Variants in GEN1 observed in about 807,000 individuals in gnomAD.
GEN1 encodes flap endonuclease GEN homolog 1.
In GEN1, 64 loss-of-function variants were observed where a neutral mutation model predicts 67.6. The ratio of observed to expected loss-of-function variants is 0.95; its 90% confidence interval spans 0.77 to 1.17. The LOEUF is 1.17. Among genes scored for constraint, GEN1 ranks in the 50% most tolerant of loss-of-function variants. The probability of loss-of-function intolerance (pLI) is 0.00; values close to 1 mark genes in which losing one functional copy is unlikely to be tolerated. For synonymous variants in GEN1, 371 were observed against 359.4 expected (o/e 1.03, Z -0.37); for missense variants, 1,058 against 1,048.3 (o/e 1.01, Z -0.13).
chr2:17,781,347 G>A lies in GEN1; in HGVS notation c.2135G>A (p.Gly712Asp), dbSNP rs777564561. The A allele has an allele frequency of 1.9e-6, 3 of 1,613,734 alleles. No individual in the cohort carries two copies. Among genetic ancestry groups the A allele is most frequent in the Non-Finnish European group, 2.5e-6 (3 of 1,179,844 alleles). Reference sequence around the variant, plus strand: ...AAAGAATCTTGTATTGCTAACAGTGGTTCTGATTGTACATCACATCTTTCA... The same window carrying A: ...AAAGAATCTTGTATTGCTAACAGTGATTCTGATTGTACATCACATCTTTCA... ...SVKESCIANS[G>D]SDCTSHLSKD... The change falls in exon 14 of 14, where the codon GGT (glycine) becomes GAT (aspartate). Residue 712 changes from glycine to aspartate, a missense_variant. Coordinates refer to ENST00000381254, the MANE Select transcript of GEN1 (RefSeq NM_001130009.3).
At chr2:17,756,602 A>G (rs1216140425) in intron 1 of GEN1, among the ~76,000 whole-genome samples, 1 of 152,124 alleles carries the variant, frequency 6.6e-6, no homozygotes, top group African/African-American at 2.4e-5. Flanking sequence ...TTTATTATTT[A>G]TTTTTATAGA....
chr2:17,756,184 T>G (rs760084094), intron 1 of GEN1, among the ~76,000 whole-genome samples: 10 of 152,204 alleles, frequency 6.6e-5, no homozygotes, highest in Non-Finnish European at 1.2e-4. Context: ...ACCTAATCAG[T>G]GGTATATTCA....
At chr2:17,768,990 A>C (rs1672058325) in intron 6 of GEN1, among the ~76,000 whole-genome samples, 179 bp downstream of exon 6, 2 of 152,040 alleles carry the variant, frequency 1.3e-5, no homozygotes, top group African/African-American at 4.8e-5. Flanking sequence ...CAAAGGAAGG[A>C]TGAGAATACA....
rs1671275771 is a variant in GEN1, at chr2:17,754,184, C to T, written c.-177C>T. ...GGTGCTCCTGGGCCTGGCGGTTGAG[C>T]CCGGGGAGCTAGTCTTTGCTTGGGT... On this transcript the variant is annotated 5_prime_UTR_variant, in exon 1 of 14. Transcript: ENST00000381254. 6.6e-6 allele frequency: 1 copy of T among 151,920 alleles called. No individual in the cohort carries two copies. The highest frequency in any genetic ancestry group is 1.5e-5 in the Non-Finnish European group (1 of 68,086). 9.4% of individuals were successfully genotyped at this position (151,920 alleles called of 1,614,324 possible).
chr2:17,771,017 G>C, intron 6 of GEN1, 179 bp from the exon 7 acceptor site: 2 of 661,178 alleles, frequency 3.0e-6, no homozygotes, highest in Non-Finnish European at 5.6e-6. Context: ...TTGGGCCTTG[G>C]GGCCACATTT....
At chr2:17,779,842 G>A (rs556425454) in intron 12 of GEN1, 136 bp from the exon 13 acceptor site, 13 of 559,222 alleles carry the variant, frequency 2.3e-5, no homozygotes, top group Admixed American at 6.7e-5. Context: ...GGCTGGTCTC[G>A]AACTCCTGAC....
intron 2 of GEN1, among the ~76,000 whole-genome samples, chr2:17,760,381 T>C (rs1175854999): frequency 6.6e-6 from 1 of 152,158 alleles, no homozygotes; most frequent in Non-Finnish European, 1.5e-5. Flanking sequence ...AGACATTTTC[T>C]CCCTATTTTA....
chr2:17,778,184 A>ACACACACATATGTGTATATATATG lies in GEN1; in HGVS notation c.1264+121_1264+122insCACACACATATGTGTATATATATG. 9 of 365,958 alleles carry ACACACACATATGTGTATATATATG rather than the reference A, an allele frequency of 2.5e-5. No homozygotes were observed. The South Asian group carries it at 2.6e-4, about 10-fold the overall frequency. 22.7% of individuals were successfully genotyped at this position (365,958 alleles called of 1,614,324 possible). On this transcript the variant is annotated intron_variant, in intron 12 of 13. Transcript: ENST00000381254. ...CACACATAGATATGTGTATATATAT[A>ACACACACATATGTGTATATATATG]TATACACACACACATATATGTGTAT...
Position 17,781,662 on chromosome 2 carries a change from C to T in GEN1, c.2450C>T (p.Thr817Ile), listed in dbSNP as rs772458645. 7 of 1,613,880 alleles carry T rather than the reference C, an allele frequency of 4.3e-6. No homozygotes were observed. The South Asian group carries it at 5.5e-5, about 13-fold the overall frequency. Residue 817 changes from threonine to isoleucine, a missense_variant, in exon 14 of 14, where the codon ACT becomes ATT. Thr to Ile is a moderately conservative substitution (Grantham distance 89, BLOSUM62 -1). Coordinates refer to ENST00000381254, the MANE Select transcript of GEN1 (RefSeq NM_001130009.3). ...GTGTTTGGGAAAGCTAAGTACACAA[C>T]TCAAAGAATGAAGCACAGTTCTCAA... ...APVFGKAKYT[T>I]QRMKHSSQKH... is the part of the protein sequence containing the mutation.
At position 17,771,148 on chromosome 2, in the gene GEN1, T is replaced by A. The variant is rs771022582; in HGVS notation, c.711-48T>A. The stretch of plus-strand genomic sequence containing the variant: ...CTGATATTTGAGAACATACCGTTTT[T>A]GTGACCTCATTTTTTTTCCTTTTTT... On this transcript the variant is annotated intron_variant, in intron 6 of 13. Transcript: ENST00000381254. 9.3e-6 allele frequency: 10 copies of A among 1,071,732 alleles called. No individual in the cohort carries two copies. In the South Asian group the frequency reaches 1.2e-4, roughly 13 times the overall value. The allele number at this position is 1,071,732 out of a possible 1,614,324, so 66.4% of individuals were successfully genotyped here.
At position 17,786,169 on chromosome 2, in the gene GEN1, T is replaced by G. The variant is rs1190456476; in HGVS notation, c.*4230T>G. On this transcript the variant is annotated 3_prime_UTR_variant, in exon 14 of 14. Coordinates refer to ENST00000381254, the MANE Select transcript of GEN1 (RefSeq NM_001130009.3). Reference sequence around the variant, plus strand: ...GCATCCTATAAGGTTTTGATATCTGTGAAGTCACTGCCACCATTGACACAT... The same window carrying G: ...GCATCCTATAAGGTTTTGATATCTGGGAAGTCACTGCCACCATTGACACAT... 1 of 152,218 alleles carries G rather than the reference T, an allele frequency of 6.6e-6. No individual in the cohort carries two copies. The highest frequency in any genetic ancestry group is 1.9e-4 in the East Asian group (1 of 5,204). 9.4% of individuals were successfully genotyped at this position (152,218 alleles called of 1,614,324 possible).
intron 3 of GEN1, among the ~76,000 whole-genome samples, 155 bp from the exon 4 acceptor site, chr2:17,764,742 C>G (rs1287241316): frequency 6.6e-6 from 1 of 152,192 alleles, no homozygotes; most frequent in Non-Finnish European, 1.5e-5. Flanking sequence ...AATATTCAGT[C>G]ATTGTTCAAA....
At chr2:17,778,912 A>T (rs928609844) in intron 12 of GEN1, among the ~76,000 whole-genome samples, 4 of 152,190 alleles carry the variant, frequency 2.6e-5, no homozygotes, top group African/African-American at 9.6e-5. Context: ...CAGATAATTT[A>T]AAATGAAAGT....
intron 12 of GEN1, among the ~76,000 whole-genome samples, chr2:17,778,269 CATATATGTATATACACACACAT>C (rs1672585958): frequency 1.1e-5 from 1 of 91,692 alleles, no homozygotes; most frequent in African/African-American, 3.6e-5. Flanking sequence ...TATGTGTGTA[CATATATGTATATACACACACAT>C]GTGTGTGTAC....
At chr2:17,763,689 A>G (rs560601101) in intron 3 of GEN1, among the ~76,000 whole-genome samples, 1 of 152,344 alleles carries the variant, frequency 6.6e-6, no homozygotes, top group Admixed American at 6.5e-5. Context: ...TTGAAGTGGC[A>G]AATAGTACAA....
rs2125146917 is a variant in GEN1 at position 17,772,639 on chromosome 2, C to T, written c.808C>T (p.Pro270Ser). The T allele has an allele frequency of 6.2e-7, 1 of 1,607,836 alleles. No homozygotes were observed. The highest frequency in any genetic ancestry group is 8.5e-7 in the Non-Finnish European group (1 of 1,177,228). Residue 270 changes from proline (P) to serine (S), a missense_variant, in exon 8 of 14, where the codon CCT becomes TCT. Coordinates refer to ENST00000381254, the MANE Select transcript of GEN1 (RefSeq NM_001130009.3). ...HCSVCSHPGS[P>S]KDHERNGCRL... is the part of the protein sequence containing the mutation. ...TTTTTTGGGTCTCCATAAAGGTTCA[C>T]CTAAGGATCATGAACGTAATGGATG... is the stretch of plus-strand genomic sequence containing the variant.
In GEN1 at chr2:17,774,405, A is replaced by C. The variant is rs1304594137; in HGVS notation, c.1202+4A>C. The C allele has an allele frequency of 1.3e-6, 2 of 1,597,818 alleles. No homozygotes were observed. ...CTAATCAACTACAGCCAATTCGGTA[A>C]TGTAAAGAACTGTATGGTGAAGGTG... On this transcript the variant is annotated splice_donor_region_variant and intron_variant, in intron 11 of 13. Transcript: ENST00000381254.
At position 17,781,453 on chromosome 2, in the gene GEN1, C is replaced by CTA; in HGVS notation, c.2244_2245dup (p.Lys749IlefsTer16). ...AAGGAGACCAGCTGCTTCAAGAAGA[C>CTA]TATAAAGTCAATACTTCTGTCCCTT... On this transcript the variant is annotated frameshift_variant, in exon 14 of 14. Coordinates refer to ENST00000381254, the MANE Select transcript of GEN1 (RefSeq NM_001130009.3). LOFTEE classifies it low-confidence loss of function (END_TRUNC). 1 of 1,613,522 alleles carries CTA rather than the reference C, an allele frequency of 6.2e-7. No homozygotes were observed. The highest frequency in any genetic ancestry group is 1.3e-5 in the African/African-American group (1 of 75,040).
At chr2:17,775,861 C>T (rs1004686570) in intron 11 of GEN1, among the ~76,000 whole-genome samples, 10 of 152,052 alleles carry the variant, frequency 6.6e-5, no homozygotes. Context: ...CTAGGTGGGG[C>T]GTGGTGGCTC....
Sources: gnomAD v4.1 joint callset for allele counts (sites outside exome capture counted in the v4.1 genomes callset) on GRCh38, gnomAD v4.1.1 for gene constraint, MANE v1.5 for transcripts, NCBI Gene and HGNC (gene_info 2026-07-23, HGNC 2026-07-21) for gene names.